MAGI1: variants seen among roughly 807,000 people sequenced by gnomAD.
The protein encoded by MAGI1 is membrane associated guanylate kinase, WW and PDZ domain containing 1, also known as membrane-associated guanylate kinase, WW and PDZ domain-containing protein 1.
Under a neutral mutation model 139.9 loss-of-function variants are expected in MAGI1, and 58 were observed. The ratio of observed to expected loss-of-function variants is 0.41; its 90% CI spans 0.34 to 0.52. The LOEUF is 0.52. MAGI1 is among the 20% of genes least tolerant of loss of function. The pLI, the probability that MAGI1 is intolerant of heterozygous loss-of-function variation, is 0.12. For synonymous variants in MAGI1, 812 were observed against 737.9 expected (o/e 1.10, Z -1.63); for missense variants, 1,874 against 1,901.6 (o/e 0.99, Z 0.27).
At chr3:65,544,129 T>C (rs1334107057) in intron 2 of MAGI1, among the ~76,000 whole-genome samples, 1 of 152,182 alleles carries the variant, frequency 6.6e-6, no homozygotes, top group Non-Finnish European at 1.5e-5. Flanking sequence ...ATAAAATTAA[T>C]GCATATTTTT....
intron 1 of MAGI1, among the ~76,000 whole-genome samples, chr3:65,624,807 A>T (rs2083877898): frequency 1.3e-5 from 2 of 152,210 alleles, no homozygotes; most frequent in Non-Finnish European, 2.9e-5. Flanking sequence ...CTGTGAATAT[A>T]TAATATTTTT....
At chr3:65,904,540 C>A (rs1472323547) in intron 1 of MAGI1, among the ~76,000 whole-genome samples, 4 of 152,178 alleles carry the variant, frequency 2.6e-5, no homozygotes, top group Admixed American at 6.5e-5. Flanking sequence ...CTACCCCAGA[C>A]CTACCCTCAT....
chr3:65,389,784 C>T (rs906326496), intron 14 of MAGI1, among the ~76,000 whole-genome samples: 4 of 152,144 alleles, frequency 2.6e-5, no homozygotes, highest in Non-Finnish European at 4.4e-5. Context: ...AATTAGTGGG[C>T]TTTTTGTCAG....
At chr3:65,920,836 C>T (rs2062142833) in intron 1 of MAGI1, among the ~76,000 whole-genome samples, 1 of 152,086 alleles carries the variant, frequency 6.6e-6, no homozygotes, top group South Asian at 2.1e-4. Context: ...CAAGACCAGC[C>T]TGACCAACAT....
intron 1 of MAGI1, among the ~76,000 whole-genome samples, chr3:65,764,742 C>T (rs1011239413): frequency 6.6e-6 from 1 of 151,870 alleles, no homozygotes; most frequent in Non-Finnish European, 1.5e-5. Flanking sequence ...GTGAGAAAGT[C>T]GTGTCATTTA....
chr3:65,592,841 G>A (rs2082029022), intron 2 of MAGI1, among the ~76,000 whole-genome samples: 1 of 152,076 alleles, frequency 6.6e-6, no homozygotes, highest in Non-Finnish European at 1.5e-5. Context: ...TTCCCATAGT[G>A]GAAAGATCTC....
At chr3:65,576,657 T>C (rs2081192663) in intron 2 of MAGI1, among the ~76,000 whole-genome samples, 1 of 152,204 alleles carries the variant, frequency 6.6e-6, no homozygotes, top group Admixed American at 6.5e-5. Flanking sequence ...TGCATTTAAG[T>C]AACGGTTTCC....
At chr3:65,749,537 G>T (rs934626053) in intron 1 of MAGI1, among the ~76,000 whole-genome samples, 1 of 151,960 alleles carries the variant, frequency 6.6e-6, no homozygotes, top group East Asian at 1.9e-4. Context: ...GATGGGAAGC[G>T]GATGAGGGAT....
intron 1 of MAGI1, among the ~76,000 whole-genome samples, chr3:65,946,073 C>T (rs1055278269): frequency 3.3e-5 from 5 of 152,214 alleles, no homozygotes; most frequent in African/African-American, 1.2e-4. Flanking sequence ...TTAGAAAGCT[C>T]TCTGGGCCTG....
intron 2 of MAGI1, among the ~76,000 whole-genome samples, chr3:65,603,806 C>T (rs1231144460): frequency 6.6e-6 from 1 of 152,166 alleles, no homozygotes; most frequent in East Asian, 1.9e-4. Flanking sequence ...AGGGCCTGGT[C>T]TCTCCTTCCA....
At chr3:65,450,362 G>A (rs1462197829) in intron 6 of MAGI1, among the ~76,000 whole-genome samples, 1 of 152,184 alleles carries the variant, frequency 6.6e-6, no homozygotes, top group East Asian at 1.9e-4. Flanking sequence ...GATGAGAATG[G>A]AAGATGCGGT....
chr3:65,597,262 C>G (rs893457040), intron 2 of MAGI1, among the ~76,000 whole-genome samples: 2 of 149,972 alleles, frequency 1.3e-5, no homozygotes, highest in African/African-American at 4.9e-5. Flanking sequence ...GCCCCCTCCC[C>G]CTCCCACCCC....
chr3:65,786,674 C>T lies in MAGI1; in HGVS notation c.314-164586G>A, dbSNP rs1168512112. Among the ~76,000 whole-genome samples the T allele has an allele frequency of 2.7e-5, 4 of 148,906 alleles. No homozygotes were observed. The East Asian group carries it at 6.0e-4, about 22-fold the overall frequency. ...TCACCCAGGCTGGAGTGCAGTGGCA[C>T]GATCTCCGCTCACTGCAAGCTCTGC... On this transcript the variant is annotated intron_variant, in intron 1 of 22. Coordinates refer to ENST00000402939, the MANE Select transcript of MAGI1 (RefSeq NM_001033057.2).
intron 1 of MAGI1, among the ~76,000 whole-genome samples, chr3:65,966,329 T>C (rs1392694849): frequency 6.6e-6 from 1 of 152,176 alleles, no homozygotes; most frequent in Non-Finnish European, 1.5e-5. Context: ...CAGCAAGGTG[T>C]TCTCTCTTCT....
chr3:65,911,359 G>A (rs1044157112), intron 1 of MAGI1, among the ~76,000 whole-genome samples: 14 of 151,994 alleles, frequency 9.2e-5, no homozygotes, highest in South Asian at 4.2e-4. Context: ...CTCATCCTCC[G>A]GGGGACGCTC....
intron 2 of MAGI1, among the ~76,000 whole-genome samples, chr3:65,585,385 T>C (rs76739185): frequency 1.9e-4 from 29 of 152,254 alleles, no homozygotes; most frequent in African/African-American, 7.0e-4. Context: ...CAAAAGAAAA[T>C]ATACAGATGG....
In MAGI1 at chr3:65,548,511, C is replaced by CTTTTTTTTTTTTTTTTTTTTT. The variant is rs1170215972; in HGVS notation, c.431-54901_431-54881dup. ...AGCCCAGCTTTATGCAAACAACACT[C>CTTTTTTTTTTTTTTTTTTTTT]TTTTTTTTTTTTTTTTTTTTTTTTT... On this transcript the variant is annotated intron_variant, in intron 2 of 22. Coordinates refer to ENST00000402939, the MANE Select transcript of MAGI1 (RefSeq NM_001033057.2). Among the ~76,000 whole-genome samples the CTTTTTTTTTTTTTTTTTTTTT allele has an allele frequency of 1.3e-4, 11 of 87,386 alleles. 1 individual carries two copies. The highest frequency in any genetic ancestry group is 3.3e-4 in the African/African-American group (7 of 21,302). 57.3% of individuals were successfully genotyped at this position (87,386 alleles called of 152,430 possible).
At chr3:65,904,545 C>A (rs2061362071) in intron 1 of MAGI1, among the ~76,000 whole-genome samples, 1 of 152,150 alleles carries the variant, frequency 6.6e-6, no homozygotes, top group African/African-American at 2.4e-5. Flanking sequence ...CCAGACCTAC[C>A]CTCATCCAAC....
chr3:65,788,602 C>G (rs1017197486), intron 1 of MAGI1, among the ~76,000 whole-genome samples: 1 of 152,178 alleles, frequency 6.6e-6, no homozygotes, highest in Non-Finnish European at 1.5e-5. Context: ...CACTCAAGAC[C>G]CTCTGTGGCA....
Sources: allele counts gnomAD v4.1 joint callset (sites outside exome capture counted in the v4.1 genomes callset), GRCh38; gene constraint gnomAD v4.1.1; transcripts MANE v1.5; gene names NCBI Gene and HGNC (gene_info 2026-07-23, HGNC 2026-07-21).